Variants in PRKDC observed in about 807,000 individuals in gnomAD.
PRKDC encodes protein kinase, DNA-activated, catalytic subunit, also known as DNA-dependent protein kinase catalytic subunit.
In PRKDC, 82 loss-of-function variants were observed where a neutral mutation model predicts 486.9. That is an observed-to-expected ratio of 0.17 (90% CI 0.14 to 0.20). The LOEUF is 0.20. Among genes scored for constraint, PRKDC ranks in the 10% least tolerant of loss-of-function variants. The pLI, the probability that PRKDC is intolerant of heterozygous loss-of-function variation, is 1.00. For missense variants in PRKDC, 4,504 were observed against 5,038.2 expected, an observed-to-expected ratio of 0.89 and a Z score of 3.21; for synonymous variants, 1,895 against 1,837.0, an observed-to-expected ratio of 1.03 and a Z score of -0.81.
rs573489900 is a variant in PRKDC, at chr8:47,864,600, T to C, written c.5527A>G (p.Ile1843Val). ...LDALREFFST[I>V]VVDAIDVLKS... ...AACACATCAATGGCATCCACCACAA[T>C]TGTGCTGAAGAATTCTCTCAAAGCA... Residue 1843 changes from isoleucine to valine, a missense_variant, in exon 41 of 86, where the codon ATT (isoleucine) becomes GTT (valine). This residue lies in a region of PRKDC where 1,969 missense variants were observed against 2,068.9 expected (regional missense o/e 0.95). Coordinates refer to ENST00000314191, the MANE Select transcript of PRKDC (RefSeq NM_006904.7). The C allele has an allele frequency of 1.4e-4, 225 of 1,610,466 alleles. No homozygotes were observed. Among genetic ancestry groups the C allele is most frequent in the Non-Finnish European group, 1.8e-4 (209 of 1,178,680 alleles).
At chr8:47,952,228 A>G (rs1589816677) in intron 7 of PRKDC, among the ~76,000 whole-genome samples, 1 of 152,234 alleles carries the variant, frequency 6.6e-6, no homozygotes, top group Non-Finnish European at 1.5e-5. Flanking sequence ...GTGCCCATAT[A>G]CGGATGAATG....
At chr8:47,788,393 C>T (rs2086828531) in intron 76 of PRKDC, among the ~76,000 whole-genome samples, 1 of 152,192 alleles carries the variant, frequency 6.6e-6, no homozygotes, top group Non-Finnish European at 1.5e-5. Context: ...CTTCCAACTC[C>T]AGCACCCTCT....
rs547683113 is a variant in PRKDC, at chr8:47,832,853, C to T, written c.8153-927G>A. Among the ~76,000 whole-genome samples the T allele has an allele frequency of 3.3e-5, 5 of 152,348 alleles. No individual in the cohort carries two copies. The South Asian group carries it at 6.2e-4, about 19-fold the overall frequency. On this transcript the variant is annotated intron_variant, in intron 59 of 85. Coordinates refer to ENST00000314191, the MANE Select transcript of PRKDC (RefSeq NM_006904.7). ...GGATCTACGCCCAAGGACACTTGTGCGCAATGTCAGAACACTGGTTTAAAA... is the reference window on the plus strand; with the variant it reads ...GGATCTACGCCCAAGGACACTTGTGTGCAATGTCAGAACACTGGTTTAAAA...
rs183985241 is a variant in PRKDC at position 47,952,056 on chromosome 8, C to T, written c.721+1564G>A. On this transcript the variant is annotated intron_variant, in intron 7 of 85. Coordinates refer to ENST00000314191, the MANE Select transcript of PRKDC (RefSeq NM_006904.7). ...GCAGCTACTGTGAAAAACAGTATGA[C>T]GATTTCTCAGAAAATTAAAACTAAG... Among the ~76,000 whole-genome samples the T allele has an allele frequency of 2.4e-4, 37 of 152,222 alleles. 1 individual carries two copies. Among genetic ancestry groups the T allele is most frequent in the Middle Eastern group, 6.8e-3 (2 of 294 alleles).
At chr8:47,835,044 T>C (rs1285590932) in intron 58 of PRKDC, among the ~76,000 whole-genome samples, 5 of 152,108 alleles carry the variant, frequency 3.3e-5, no homozygotes, top group Admixed American at 3.3e-4. Flanking sequence ...TTCATATTAG[T>C]CCCACTTCCA....
At position 47,789,162 on chromosome 8, in the gene PRKDC, G is replaced by T; in HGVS notation, c.10747C>A (p.Leu3583Met). 6.2e-7 allele frequency: 1 copy of T among 1,613,104 alleles called. No individual in the cohort carries two copies. Among genetic ancestry groups the T allele is most frequent in the Non-Finnish European group, 8.5e-7 (1 of 1,179,420 alleles). ...CGTTCTATCATTACCTTAAAGAGCAGTTCAGGATTAGAGAGCTGATCTAAG... is the reference window on the plus strand; with the variant it reads ...CGTTCTATCATTACCTTAAAGAGCATTTCAGGATTAGAGAGCTGATCTAAG... Reference protein sequence around the residue: ...NALDQLSNPELLFKDWSNDVR... With the variant: ...NALDQLSNPEMLFKDWSNDVR... The change falls in exon 75 of 86, where the codon CTG becomes ATG. Residue 3583 changes from leucine to methionine, a missense_variant. This residue lies in a region of PRKDC where 706 missense variants were observed against 945.0 expected (regional missense o/e 0.75). Coordinates refer to ENST00000314191, the MANE Select transcript of PRKDC (RefSeq NM_006904.7).
At chr8:47,883,335 T>C (rs757055797) in intron 36 of PRKDC, among the ~76,000 whole-genome samples, 2 of 152,226 alleles carry the variant, frequency 1.3e-5, no homozygotes, top group South Asian at 2.1e-4. Flanking sequence ...AGTGGAAACC[T>C]GAGAATCTTT....
rs763410689 is a variant in PRKDC at position 47,893,122 on chromosome 8, A to C, written c.3847+17T>G. 7 of 1,574,596 alleles carry C rather than the reference A, an allele frequency of 4.4e-6. No homozygotes were observed. Among genetic ancestry groups the C allele is most frequent in the Non-Finnish European group, 6.1e-6 (7 of 1,153,162 alleles). ...TGGCAGCACGACACACACCAGAATA[A>C]GGCAAGGGTGACCTACCTAGGACCT... On this transcript the variant is annotated intron_variant, in intron 31 of 85. Coordinates refer to ENST00000314191, the MANE Select transcript of PRKDC (RefSeq NM_006904.7).
intron 52 of PRKDC, among the ~76,000 whole-genome samples, chr8:47,851,092 G>C (rs1038733778): frequency 6.6e-6 from 1 of 152,354 alleles, no homozygotes; most frequent in Admixed American, 6.5e-5. Context: ...TTATAGGCAT[G>C]AGCCACAGCA....
intron 40 of PRKDC, 36 bp downstream of exon 40, chr8:47,877,688 G>A (rs377481798): frequency 6.6e-6 from 10 of 1,520,718 alleles, no homozygotes; most frequent in Middle Eastern, 1.7e-4. Context: ...ACTGAAATGC[G>A]TATGGTTCCT....
At chr8:47,940,295 A>G (rs1444973997) in intron 10 of PRKDC, among the ~76,000 whole-genome samples, 1 of 152,258 alleles carries the variant, frequency 6.6e-6, no homozygotes, top group Non-Finnish European at 1.5e-5. Context: ...AAGCAAATAG[A>G]TCATTATTTA....
intron 68 of PRKDC, among the ~76,000 whole-genome samples, chr8:47,809,276 C>T (rs922676719): frequency 1.3e-5 from 2 of 152,158 alleles, no homozygotes; most frequent in Non-Finnish European, 2.9e-5. Flanking sequence ...CACCACACTG[C>T]TCTGGGCTCC....
chr8:47,863,355 G>T, intron 42 of PRKDC, 44 bp downstream of exon 42: 1 of 1,448,278 alleles, frequency 6.9e-7, no homozygotes, highest in Non-Finnish European at 9.5e-7. Context: ...TGTACCCAAA[G>T]CATTGATAAA....
At chr8:47,912,026 C>T (rs1427779187) in intron 25 of PRKDC, among the ~76,000 whole-genome samples, 1 of 152,154 alleles carries the variant, frequency 6.6e-6, no homozygotes, top group African/African-American at 2.4e-5. Context: ...CTACCTCAGC[C>T]TCCCAAAGTG....
chr8:47,885,542 T>C (rs1430371533), intron 36 of PRKDC, among the ~76,000 whole-genome samples: 1 of 152,212 alleles, frequency 6.6e-6, no homozygotes, highest in Non-Finnish European at 1.5e-5. Flanking sequence ...GGAAAAAGTC[T>C]TGTCATACTT....
intron 64 of PRKDC, among the ~76,000 whole-genome samples, chr8:47,823,407 G>A (rs377758366): frequency 6.6e-6 from 1 of 151,254 alleles, no homozygotes; most frequent in Non-Finnish European, 1.5e-5. Context: ...CTCCTGCTTC[G>A]CCTTCTACCA....
At position 47,836,354 on chromosome 8, in the gene PRKDC, T is replaced by C. The variant is rs767431572; in HGVS notation, c.7935A>G (p.Thr2645=). Residue 2645 remains threonine (T), a synonymous_variant, in exon 58 of 86, where the codon ACA becomes ACG. Transcript: ENST00000314191. The part of the protein sequence containing the change: ...IRATQQQHDF[T]LTQTADGRSS... ...CACTGTTACCTGCAGTCTGTGTCAGTGTGAAGTCATGCTGCTGCTGGGTGG... is the reference window on the plus strand; with the variant it reads ...CACTGTTACCTGCAGTCTGTGTCAGCGTGAAGTCATGCTGCTGCTGGGTGG... 1.6e-5 allele frequency: 25 copies of C among 1,598,036 alleles called. No individual in the cohort carries two copies. Among genetic ancestry groups the C allele is most frequent in the Middle Eastern group, 3.4e-4 (2 of 5,966 alleles).
At chr8:47,847,876 T>TAA (rs749409678) in intron 54 of PRKDC, among the ~76,000 whole-genome samples, 2 of 89,320 alleles carry the variant, frequency 2.2e-5, no homozygotes, top group Non-Finnish European at 4.2e-5. Context: ...GGCCAACAAA[T>TAA]ATATATATAT....
intron 40 of PRKDC, among the ~76,000 whole-genome samples, chr8:47,866,396 C>T (rs2088817922): frequency 6.6e-6 from 1 of 152,168 alleles, no homozygotes; most frequent in South Asian, 2.1e-4. Context: ...AGGAATAACA[C>T]AGGCACCATC....
Sources: allele counts gnomAD v4.1 joint callset (sites outside exome capture counted in the v4.1 genomes callset), GRCh38; gene constraint gnomAD v4.1.1; regional missense constraint gnomAD v4.1.1; transcripts MANE v1.5; gene names NCBI Gene and HGNC (gene_info 2026-07-23, HGNC 2026-07-21).